Variants in SSBP2 observed in about 807,000 individuals in gnomAD.
SSBP2 encodes single-stranded DNA-binding protein 2.
Under a neutral mutation model 61.8 loss-of-function variants are expected in SSBP2, and 17 were observed. That is an observed-to-expected ratio of 0.28 (90% CI 0.19 to 0.41). The LOEUF is 0.41. Among genes scored for constraint, SSBP2 ranks in the 10% least tolerant of loss-of-function variants. SSBP2 has a pLI of 1.00. For synonymous variants in SSBP2, 139 were observed against 141.3 expected (o/e 0.98, Z 0.12); for missense variants, 310 against 458.7 (o/e 0.68, Z 2.96).
chr5:81,428,188 A>T (rs1024586773), intron 16 of SSBP2, among the ~76,000 whole-genome samples: 2 of 152,202 alleles, frequency 1.3e-5, no homozygotes, highest in Non-Finnish European at 2.9e-5. Context: ...CCTTCAGTCC[A>T]GTGAGGTCTA....
chr5:81,587,817 G>A (rs538184758), intron 4 of SSBP2, among the ~76,000 whole-genome samples: 276 of 152,002 alleles, frequency 1.8e-3, no homozygotes, highest in Non-Finnish European at 3.1e-3. Context: ...TGAGATGTAA[G>A]ATAGCGAAAG....
At position 81,415,047 on chromosome 5, in the gene SSBP2, G is replaced by T. The variant is rs1761253083; in HGVS notation, c.*5457C>A. On this transcript the variant is annotated 3_prime_UTR_variant, in exon 17 of 17. Transcript: ENST00000320672. Reference sequence around the variant, plus strand: ...TCAAGGTATGGTTCACAGACCCAGGGAGACCTTTACACATGCTTAAGATTG... The same window carrying T: ...TCAAGGTATGGTTCACAGACCCAGGTAGACCTTTACACATGCTTAAGATTG... 6.6e-6 allele frequency: 1 copy of T among 152,128 alleles called. No individual in the cohort carries two copies. The highest frequency in any genetic ancestry group is 1.5e-5 in the Non-Finnish European group (1 of 68,030). 9.4% of individuals were successfully genotyped at this position (152,128 alleles called of 1,614,324 possible).
chr5:81,650,497 T>A (rs989479898), intron 1 of SSBP2, among the ~76,000 whole-genome samples, 158 bp from the exon 2 acceptor site: 3 of 152,136 alleles, frequency 2.0e-5, no homozygotes, highest in Admixed American at 2.0e-4. Flanking sequence ...ATAATACATG[T>A]ATGTTCAGAA....
At chr5:81,710,843 T>C (rs1754727012) in intron 1 of SSBP2, 1 of 294,202 alleles carries the variant, frequency 3.4e-6, no homozygotes, top group Non-Finnish European at 6.9e-6. Context: ...AACATTACAG[T>C]CATGGGAGCA....
intron 5 of SSBP2, among the ~76,000 whole-genome samples, chr5:81,493,287 T>TAGATAGAC: frequency 6.6e-6 from 1 of 151,678 alleles, no homozygotes; most frequent in South Asian, 2.1e-4. Context: ...GATAGATAGA[T>TAGATAGAC]AGATAGATAG....
At chr5:81,469,731 T>G (rs1561437645) in intron 8 of SSBP2, among the ~76,000 whole-genome samples, 1 of 151,924 alleles carries the variant, frequency 6.6e-6, no homozygotes, top group Non-Finnish European at 1.5e-5. Context: ...AATATATGCT[T>G]GATAGATTTG....
chr5:81,537,846 T>C (rs1342184377), intron 4 of SSBP2, among the ~76,000 whole-genome samples: 3 of 152,118 alleles, frequency 2.0e-5, no homozygotes, highest in South Asian at 4.1e-4. Context: ...CACAACAATA[T>C]TGAAATTAGG....
At chr5:81,500,404 G>T (rs577964501) in intron 5 of SSBP2, among the ~76,000 whole-genome samples, 4 of 152,054 alleles carry the variant, frequency 2.6e-5, no homozygotes, top group Non-Finnish European at 4.4e-5. Flanking sequence ...AGTAGAGACG[G>T]AGTTTCACCA....
intron 15 of SSBP2, among the ~76,000 whole-genome samples, chr5:81,436,477 G>A (rs1252698768): frequency 1.3e-5 from 2 of 152,070 alleles, no homozygotes; most frequent in Admixed American, 6.5e-5. Context: ...CCAGGCAGTA[G>A]AGTTATAATG....
intron 15 of SSBP2, among the ~76,000 whole-genome samples, chr5:81,432,794 C>A (rs533032806): frequency 1.6e-5 from 2 of 123,948 alleles, no homozygotes; most frequent in Non-Finnish European, 3.5e-5. Context: ...CTGCCCCGTC[C>A]GGGAGGGAGG....
chr5:81,651,681 G>A (rs757661850), intron 1 of SSBP2, among the ~76,000 whole-genome samples: 9 of 152,080 alleles, frequency 5.9e-5, no homozygotes, highest in Non-Finnish European at 1.2e-4. Context: ...TTCAGTAGCA[G>A]GATCTCCCTG....
At chr5:81,483,013 G>C (rs555480107) in intron 6 of SSBP2, among the ~76,000 whole-genome samples, 1 of 152,244 alleles carries the variant, frequency 6.6e-6, no homozygotes, top group Admixed American at 6.5e-5. Context: ...TCAGGGAATA[G>C]GGAAGTCAAG....
chr5:81,478,808 T>C (rs1053198528), intron 6 of SSBP2, among the ~76,000 whole-genome samples: 1 of 152,234 alleles, frequency 6.6e-6, no homozygotes, highest in Middle Eastern at 3.4e-3. Flanking sequence ...ATGGTTAGAG[T>C]TATACACTCT....
At chr5:81,731,418 C>G (rs184149501) in intron 1 of SSBP2, among the ~76,000 whole-genome samples, 12 of 152,220 alleles carry the variant, frequency 7.9e-5, no homozygotes, top group Non-Finnish European at 7.4e-5. Flanking sequence ...CCAAATGAAT[C>G]CTGGGCAATA....
chr5:81,555,992 C>A (rs936026519), intron 4 of SSBP2, among the ~76,000 whole-genome samples: 8 of 152,008 alleles, frequency 5.3e-5, no homozygotes, highest in African/African-American at 1.9e-4. Context: ...CCATTTAGAT[C>A]TGATATTCTA....
intron 4 of SSBP2, among the ~76,000 whole-genome samples, chr5:81,551,235 C>T (rs745386513): frequency 3.3e-5 from 5 of 151,876 alleles, no homozygotes; most frequent in African/African-American, 9.7e-5. Context: ...TATCTCACTA[C>T]ACTAAAAATA....
intron 4 of SSBP2, among the ~76,000 whole-genome samples, chr5:81,527,284 C>T (rs778139906): frequency 2.0e-5 from 3 of 151,972 alleles, no homozygotes; most frequent in Non-Finnish European, 4.4e-5. Flanking sequence ...GAGAAGATGC[C>T]TTCTGGAACA....
rs116349728 is a variant in SSBP2, at chr5:81,569,491, C to T, written c.282+45982G>A. 1.1e-3 allele frequency among the ~76,000 whole-genome samples: 171 copies of T among 152,248 alleles called. 2 individuals are homozygous for T. Among genetic ancestry groups the T allele is most frequent in the African/African-American group, 3.8e-3 (156 of 41,552 alleles). On this transcript the variant is annotated intron_variant, in intron 4 of 16. Coordinates refer to ENST00000320672, the MANE Select transcript of SSBP2 (RefSeq NM_012446.5). ...TGTATATATGCATAAATACTCCATG[C>T]CTCCATGACATTACAAAGCAAAATA... is the stretch of plus-strand genomic sequence containing the variant.
intron 6 of SSBP2, among the ~76,000 whole-genome samples, chr5:81,486,399 T>A (rs1766385077): frequency 6.6e-6 from 1 of 152,134 alleles, no homozygotes; most frequent in Non-Finnish European, 1.5e-5. Flanking sequence ...ATGGCAGGCA[T>A]TCAATAATGT....
Sources: allele counts gnomAD v4.1 joint callset (sites outside exome capture counted in the v4.1 genomes callset), GRCh38; gene constraint gnomAD v4.1.1; transcripts MANE v1.5; gene names NCBI Gene and HGNC (gene_info 2026-07-23, HGNC 2026-07-21).